UMAD1: variants seen among roughly 807,000 people sequenced by gnomAD.
UMAD1 encodes UBAP1-MVB12-associated (UMA)-domain containing protein 1.
In UMAD1, 8 loss-of-function variants were observed where a neutral mutation model predicts 6.1. The observed-to-expected ratio is 1.30, with a 90% CI of 0.76 to 2.35. UMAD1 has a LOEUF of 2.35. Among genes scored for constraint, UMAD1 ranks in the 30% most tolerant of loss-of-function variants. The pLI is 0.00. For synonymous variants in UMAD1, 56 were observed against 31.4 expected, an observed-to-expected ratio of 1.78 and a Z score of -2.61; for missense variants, 130 against 78.4, an observed-to-expected ratio of 1.66 and a Z score of -2.49.
chr7:7,803,056 A>G (rs945009520), intron 3 of UMAD1, among the ~76,000 whole-genome samples: 1 of 152,258 alleles, frequency 6.6e-6, no homozygotes, highest in Non-Finnish European at 1.5e-5. Context: ...ACAAGTATTT[A>G]TTACACTGAC....
At chr7:7,809,378 AGTT>A (rs2115282160) in intron 3 of UMAD1, among the ~76,000 whole-genome samples, 1 of 152,064 alleles carries the variant, frequency 6.6e-6, no homozygotes, top group African/African-American at 2.4e-5. Context: ...TTTAGGGAAA[AGTT>A]GATTCTTTTG....
At chr7:7,711,837 A>G (rs1283006235) in intron 2 of UMAD1, among the ~76,000 whole-genome samples, 2 of 152,224 alleles carry the variant, frequency 1.3e-5, no homozygotes, top group Admixed American at 6.5e-5. Flanking sequence ...CTTAACTTTC[A>G]TATTTCAGTC....
chr7:7,737,319 C>T lies in UMAD1; in HGVS notation c.82+63866C>T, dbSNP rs145402187. ...CATGGACTCAGTAGGGCTGTTGTGA[C>T]GTTTAGATCTAATAACTTATGTAAA... On this transcript the variant is annotated intron_variant, in intron 2 of 3. Transcript: ENST00000682710. Among the ~76,000 whole-genome samples, 165 of 152,248 alleles carry T rather than the reference C, an allele frequency of 1.1e-3. 1 individual carries two copies. In the South Asian group the frequency reaches 0.011, roughly 11 times the overall value.
intron 3 of UMAD1, among the ~76,000 whole-genome samples, chr7:7,807,107 C>G (rs1359403060): frequency 1.3e-5 from 2 of 152,040 alleles, no homozygotes; most frequent in Non-Finnish European, 2.9e-5. Context: ...AGGAATTCTC[C>G]ATCTATTTGT....
At chr7:7,729,099 A>G (rs1399029226) in intron 2 of UMAD1, among the ~76,000 whole-genome samples, 1 of 152,222 alleles carries the variant, frequency 6.6e-6, no homozygotes, top group Non-Finnish European at 1.5e-5. Flanking sequence ...TGAATGAGTT[A>G]ACTGGATGGA....
chr7:7,809,854 G>A (rs904569793), intron 3 of UMAD1, among the ~76,000 whole-genome samples: 24 of 151,968 alleles, frequency 1.6e-4, no homozygotes, highest in African/African-American at 5.3e-4. Context: ...CTGTAGGGAC[G>A]CGTTTCCTTG....
Position 7,865,098 on chromosome 7 carries a change from A to G in UMAD1, c.157-12183A>G, listed in dbSNP as rs570157474. Among the ~76,000 whole-genome samples the G allele has an allele frequency of 5.3e-4, 81 of 152,274 alleles. 3 individuals carry two copies. In the South Asian group the frequency reaches 0.016, roughly 30 times the overall value. On this transcript the variant is annotated intron_variant, in intron 3 of 3. Transcript: ENST00000682710. ...TGAGGGTATCCTCTGTAATAAGCCA[A>G]TAGTGTGAAGAAAATTGTTTTTCTG...
chr7:7,744,714 C>A (rs113231007), intron 2 of UMAD1, among the ~76,000 whole-genome samples: 3,060 of 150,866 alleles, frequency 0.02, 98 homozygotes, highest in African/African-American at 0.071. Flanking sequence ...CCATTTATAT[C>A]TTCACTGGAT....
At chr7:7,874,704 ACT>A (rs1784385799) in intron 3 of UMAD1, among the ~76,000 whole-genome samples, 1 of 152,050 alleles carries the variant, frequency 6.6e-6, no homozygotes, top group Non-Finnish European at 1.5e-5. Flanking sequence ...CAAGAGCAAA[ACT>A]CTGTCTCAAA....
intron 3 of UMAD1, among the ~76,000 whole-genome samples, chr7:7,834,316 C>A (rs888810563): frequency 8.5e-5 from 13 of 152,242 alleles, no homozygotes; most frequent in African/African-American, 3.1e-4. Context: ...AGCCACCATG[C>A]CTGGCCTATC....
intron 1 of UMAD1, among the ~76,000 whole-genome samples, chr7:7,669,576 A>G (rs1779553963): frequency 6.6e-6 from 1 of 152,190 alleles, no homozygotes; most frequent in Non-Finnish European, 1.5e-5. Context: ...GGTTAGACTG[A>G]CCTTAGGTAC....
intron 2 of UMAD1, among the ~76,000 whole-genome samples, chr7:7,753,064 A>T (rs991933963): frequency 6.6e-6 from 1 of 152,180 alleles, no homozygotes; most frequent in Admixed American, 6.5e-5. Flanking sequence ...CTCATTTGTA[A>T]GCCCAAAAAG....
chr7:7,658,729 A>G (rs982350048), intron 1 of UMAD1, among the ~76,000 whole-genome samples: 1 of 152,004 alleles, frequency 6.6e-6, no homozygotes, highest in Admixed American at 6.6e-5. Flanking sequence ...CTTATTGAGT[A>G]TTTTTGCATC....
intron 2 of UMAD1, among the ~76,000 whole-genome samples, chr7:7,797,096 C>G (rs138265490): frequency 5.9e-5 from 9 of 152,308 alleles, no homozygotes; most frequent in African/African-American, 2.2e-4. Context: ...ATGCTGGCAA[C>G]TGCTTCTGGT....
intron 3 of UMAD1, 45 bp downstream of exon 3, chr7:7,801,788 C>CA: frequency 2.8e-6 from 2 of 714,704 alleles, no homozygotes; most frequent in Non-Finnish European, 5.2e-6. Context: ...CTGAACAAGT[C>CA]ACTATGATTA....
intron 2 of UMAD1, among the ~76,000 whole-genome samples, chr7:7,789,085 A>C (rs1231524467): frequency 6.6e-6 from 1 of 152,250 alleles, no homozygotes; most frequent in Non-Finnish European, 1.5e-5. Context: ...ACATACAAGC[A>C]AACTTGCAGA....
At chr7:7,816,115 G>A (rs1226716710) in intron 3 of UMAD1, among the ~76,000 whole-genome samples, 2 of 152,090 alleles carry the variant, frequency 1.3e-5, no homozygotes, top group African/African-American at 2.4e-5. Flanking sequence ...TTTTACAGAC[G>A]AGGTAGGCAA....
At chr7:7,787,513 A>C (rs1782483390) in intron 2 of UMAD1, among the ~76,000 whole-genome samples, 1 of 152,230 alleles carries the variant, frequency 6.6e-6, no homozygotes, top group Non-Finnish European at 1.5e-5. Context: ...CAATATGATA[A>C]ATAAAATTAC....
At chr7:7,647,753 C>G (rs1265940329) in intron 1 of UMAD1, among the ~76,000 whole-genome samples, 1 of 152,176 alleles carries the variant, frequency 6.6e-6, no homozygotes, top group Admixed American at 6.5e-5. Flanking sequence ...CGTGCCATCA[C>G]ACCCAGCTAA....
Sources: allele counts gnomAD v4.1 joint callset (sites outside exome capture counted in the v4.1 genomes callset), GRCh38; gene constraint gnomAD v4.1.1; transcripts MANE v1.5; gene names NCBI Gene and HGNC (gene_info 2026-07-23, HGNC 2026-07-21).